The following PLEKHA5 variants were observed in gnomAD, a reference collection of about 807,000 sequenced individuals.
PLEKHA5 encodes pleckstrin homology domain-containing family A member 5.
In PLEKHA5, 55 loss-of-function variants were observed where a neutral mutation model predicts 181.9. That is an observed-to-expected ratio of 0.30 (90% CI 0.24 to 0.38). The LOEUF (loss-of-function observed/expected upper bound fraction) is 0.38. PLEKHA5 is among the 10% of genes least tolerant of loss of function. The probability of loss-of-function intolerance (pLI) is 1.00; values close to 1 mark genes in which losing one functional copy is unlikely to be tolerated. For missense variants in PLEKHA5, 1,432 were observed against 1,549.5 expected, an observed-to-expected ratio of 0.92 and a Z score of 1.27; for synonymous variants, 535 against 529.4, an observed-to-expected ratio of 1.01 and a Z score of -0.15.
chr12:19,317,033 G>C (rs2089071173), intron 16 of PLEKHA5, among the ~76,000 whole-genome samples: 1 of 152,018 alleles, frequency 6.6e-6, no homozygotes. Context: ...AATTACCTAG[G>C]CAGTAATTTT....
intron 31 of PLEKHA5, among the ~76,000 whole-genome samples, chr12:19,370,256 A>C (rs1319586229): frequency 6.6e-6 from 1 of 152,250 alleles, no homozygotes; most frequent in East Asian, 1.9e-4. Flanking sequence ...ACTTGATGGA[A>C]TATTAAAATC....
chr12:19,169,413 T>C (rs2151633575), intron 3 of PLEKHA5, among the ~76,000 whole-genome samples: 1 of 152,182 alleles, frequency 6.6e-6, no homozygotes, highest in East Asian at 1.9e-4. Flanking sequence ...TCTTCTGGTC[T>C]TCACTTATAG....
intron 21 of PLEKHA5, among the ~76,000 whole-genome samples, chr12:19,338,745 T>C (rs568730191): frequency 6.6e-6 from 1 of 150,982 alleles, no homozygotes; most frequent in South Asian, 2.1e-4. Flanking sequence ...GCTACAATAA[T>C]CAGCTACAGG....
rs773686321 is a variant in PLEKHA5, at chr12:19,322,609, G to A, written c.2390G>A (p.Arg797Lys). 1.2e-6 allele frequency: 2 copies of A among 1,613,880 alleles called. No individual in the cohort carries two copies. The highest frequency in any genetic ancestry group is 1.7e-6 in the Non-Finnish European group (2 of 1,179,814). The change falls in exon 20 of 32, where the codon AGG becomes AAG. Residue 797 changes from arginine (R) to lysine (K), a missense_variant. By Grantham distance (26) the Arg-to-Lys change is conservative. This residue lies in a region of PLEKHA5 where 1,143 missense variants were observed against 1,168.4 expected (regional missense o/e 0.98). Coordinates refer to ENST00000429027, the MANE Select transcript of PLEKHA5 (RefSeq NM_001256470.2). ...PAAIQTVVLQ[R>K]DDLQNGLLST... Reference sequence around the variant, plus strand: ...GCCATTCAGACAGTGGTGTTACAAAGGGATGATTTACAAAATGGACTGCTT... The same window carrying A: ...GCCATTCAGACAGTGGTGTTACAAAAGGATGATTTACAAAATGGACTGCTT...
At chr12:19,324,506 A>T (rs1297763927) in intron 20 of PLEKHA5, among the ~76,000 whole-genome samples, 1 of 152,188 alleles carries the variant, frequency 6.6e-6, no homozygotes, top group African/African-American at 2.4e-5. Context: ...TAAATAATAT[A>T]CCTAAAACTC....
rs1423745414 is a variant in PLEKHA5 at position 19,254,042 on chromosome 12, G to C, written c.311+19G>C. 7.1e-7 allele frequency: 1 copy of C among 1,404,034 alleles called. No homozygotes were observed. Among genetic ancestry groups the C allele is most frequent in the Admixed American group, 2.0e-5 (1 of 50,236 alleles). The allele number at this position is 1,404,034 out of a possible 1,614,324, so 87.0% of individuals were successfully genotyped here. A position where few individuals can be genotyped will look rare whatever the true frequency, so the allele number is the denominator to read the frequency against. ...ATGAACAGTAAGTAAAGAGTTTCAT[G>C]GAATGCCTGTATTCAAAATTGGGTT... On this transcript the variant is annotated intron_variant, in intron 4 of 31. Transcript: ENST00000429027.
chr12:19,343,282 A>AT (rs778690762), intron 21 of PLEKHA5, 41 bp from the exon 22 acceptor site: 69 of 1,187,720 alleles, frequency 5.8e-5, no homozygotes, highest in South Asian at 1.2e-4. Flanking sequence ...TCAGTGAATG[A>AT]TTTTTTTTCT....
intron 13 of PLEKHA5, 100 bp from the exon 14 acceptor site, chr12:19,290,577 A>C: frequency 1.9e-6 from 2 of 1,045,706 alleles, no homozygotes; most frequent in Non-Finnish European, 1.4e-6. Flanking sequence ...TGTCAACCAT[A>C]AGAGGAAACT....
Position 19,369,735 on chromosome 12 carries a change from T to C in PLEKHA5, c.3797T>C (p.Val1266Ala), listed in dbSNP as rs1320234476. 1 of 1,613,024 alleles carries C rather than the reference T, an allele frequency of 6.2e-7. No individual in the cohort carries two copies. Among genetic ancestry groups the C allele is most frequent in the African/African-American group, 1.3e-5 (1 of 75,046 alleles). The change falls in exon 31 of 32, where the codon GTT (valine) becomes GCT (alanine). Residue 1266 changes from valine (V) to alanine (A), a missense_variant. Physicochemically the swap from Val to Ala is moderately conservative, Grantham distance 64. Transcript: ENST00000429027. ...SPSPESSASP[V>A]PSTQPQLTEG... ...TCTCCTGAGTCCTCGGCATCGCCAG[T>C]TCCATCCACTCAGCCGCAGCTCACA...
chr12:19,233,393 A>G (rs749948296), intron 3 of PLEKHA5, among the ~76,000 whole-genome samples: 3 of 152,222 alleles, frequency 2.0e-5, no homozygotes, highest in Non-Finnish European at 4.4e-5. Flanking sequence ...AAACATTTGC[A>G]TGCATCATGT....
intron 29 of PLEKHA5, among the ~76,000 whole-genome samples, 180 bp from the exon 30 acceptor site, chr12:19,365,784 T>C (rs190397107): frequency 2.0e-5 from 3 of 152,328 alleles, no homozygotes; most frequent in African/African-American, 7.2e-5. Flanking sequence ...TTGAAATGAA[T>C]ATACAGGTTT....
At chr12:19,321,268 AT>A (rs2090641884) in intron 18 of PLEKHA5, among the ~76,000 whole-genome samples, 1 of 150,500 alleles carries the variant, frequency 6.6e-6, no homozygotes, top group Non-Finnish European at 1.5e-5. Flanking sequence ...TCCTTTTTAA[AT>A]TTAGTTTCTT....
At chr12:19,259,317 T>A (rs1044045663) in intron 6 of PLEKHA5, among the ~76,000 whole-genome samples, 2 of 151,910 alleles carry the variant, frequency 1.3e-5, no homozygotes, top group Non-Finnish European at 2.9e-5. Context: ...CAGTGAGGTA[T>A]GATCATGCCA....
intron 29 of PLEKHA5, among the ~76,000 whole-genome samples, chr12:19,362,022 C>G (rs1426118297): frequency 6.6e-6 from 1 of 151,114 alleles, no homozygotes; most frequent in African/African-American, 2.4e-5. Context: ...AAAAATTAGC[C>G]AGGCATGGTG....
At chr12:19,222,702 T>C (rs1200459497) in intron 3 of PLEKHA5, among the ~76,000 whole-genome samples, 1 of 152,138 alleles carries the variant, frequency 6.6e-6, no homozygotes, top group Non-Finnish European at 1.5e-5. Context: ...GGTTTTCTTT[T>C]AGCTACTCTT....
chr12:19,222,123 G>GTA (rs1219729097), intron 3 of PLEKHA5, among the ~76,000 whole-genome samples: 4 of 151,832 alleles, frequency 2.6e-5, no homozygotes, highest in South Asian at 2.1e-4. Context: ...GTGTGTGTAT[G>GTA]TATATATATG....
intron 12 of PLEKHA5, among the ~76,000 whole-genome samples, chr12:19,287,204 A>T (rs983421464): frequency 2.6e-5 from 4 of 151,916 alleles, no homozygotes; most frequent in African/African-American, 9.7e-5. Flanking sequence ...GGGTTTCACC[A>T]TGTTGGCTAG....
intron 8 of PLEKHA5, among the ~76,000 whole-genome samples, chr12:19,268,248 G>A (rs956016910): frequency 1.3e-5 from 2 of 152,112 alleles, no homozygotes; most frequent in Non-Finnish European, 2.9e-5. Flanking sequence ...ATGTAGAGGT[G>A]CGTGATATTA....
At chr12:19,241,920 C>T (rs1305865308) in intron 3 of PLEKHA5, among the ~76,000 whole-genome samples, 1 of 152,070 alleles carries the variant, frequency 6.6e-6, no homozygotes, top group African/African-American at 2.4e-5. Context: ...ATTACTTTGG[C>T]AAATTAGTGT....
Sources: allele counts gnomAD v4.1 joint callset (sites outside exome capture counted in the v4.1 genomes callset), GRCh38; gene constraint gnomAD v4.1.1; regional missense constraint gnomAD v4.1.1; transcripts MANE v1.5; gene names NCBI Gene and HGNC (gene_info 2026-07-23, HGNC 2026-07-21).